Variants in RAC2 observed in about 807,000 individuals in gnomAD.
RAC2 encodes ras-related C3 botulinum toxin substrate 2.
RAC2 carries 1 observed loss-of-function variant against 24.0 expected under a neutral mutation model. That is an observed-to-expected ratio of 0.04 (90% CI 0.01 to 0.20). The LOEUF is 0.20. RAC2 is among the 10% of genes least tolerant of loss of function. The pLI is 1.00. For missense variants in RAC2, 130 were observed against 259.1 expected (o/e 0.50, Z 3.42); for synonymous variants, 114 against 106.8 (o/e 1.07, Z -0.41).
chr22:37,241,037 G>A (rs887058270), intron 2 of RAC2: 1 of 718,728 alleles, frequency 1.4e-6, no homozygotes, highest in East Asian at 2.7e-5. Context: ...GACCCCTGAG[G>A]GCTGGCCAGG....
chr22:37,236,359 G>A (rs1340851469), intron 2 of RAC2, among the ~76,000 whole-genome samples: 1 of 152,202 alleles, frequency 6.6e-6, no homozygotes, highest in African/African-American at 2.4e-5. Context: ...AGACCCACAG[G>A]CAGCCAGGAC....
chr22:37,232,060 C>CGA, intron 3 of RAC2, 66 bp from the exon 4 acceptor site: 1 of 1,509,624 alleles, frequency 6.6e-7, no homozygotes, highest in Non-Finnish European at 9.0e-7. Context: ...TGGCAGCCAC[C>CGA]GAGAGGTGGA....
chr22:37,234,077 C>T (rs540058525), intron 2 of RAC2, among the ~76,000 whole-genome samples: 2 of 152,308 alleles, frequency 1.3e-5, no homozygotes, highest in Non-Finnish European at 2.9e-5. Flanking sequence ...GCAGGGCCAT[C>T]GAACGAGCCT....
intron 5 of RAC2, among the ~76,000 whole-genome samples, chr22:37,228,089 G>T (rs2145821263): frequency 6.6e-6 from 1 of 152,294 alleles, no homozygotes; most frequent in South Asian, 2.1e-4. Context: ...CCCTCCCCAG[G>T]AACTTCCCAA....
chr22:37,232,756 G>A, intron 3 of RAC2, 45 bp downstream of exon 3: 2 of 1,517,600 alleles, frequency 1.3e-6, no homozygotes, highest in Non-Finnish European at 1.8e-6. Flanking sequence ...AGAGGGAACA[G>A]AGACAGCAAA....
At chr22:37,242,023 C>A (rs2145831596) in intron 1 of RAC2, among the ~76,000 whole-genome samples, 1 of 152,322 alleles carries the variant, frequency 6.6e-6, no homozygotes, top group African/African-American at 2.4e-5. Context: ...GGCTTCAAAT[C>A]CCAGCTGTAC....
chr22:37,241,942 G>A (rs1382049598), intron 1 of RAC2, among the ~76,000 whole-genome samples: 1 of 152,192 alleles, frequency 6.6e-6, no homozygotes, highest in Non-Finnish European at 1.5e-5. Flanking sequence ...CTTCTCCAGG[G>A]GCCAGTGATG....
chr22:37,241,024 G>A (rs1303013310), intron 2 of RAC2: 2 of 717,446 alleles, frequency 2.8e-6, no homozygotes, highest in Non-Finnish European at 5.2e-6. Context: ...TAGGAGTGAT[G>A]GGGACCCCTG....
chr22:37,240,934 G>C (rs1927368987), intron 2 of RAC2: 2 of 687,756 alleles, frequency 2.9e-6, no homozygotes, highest in Non-Finnish European at 5.4e-6. Flanking sequence ...GCAAAGTAAT[G>C]GGTAATAAGG....
chr22:37,226,705 G>A lies in RAC2; in HGVS notation c.547C>T (p.Arg183Trp), dbSNP rs138762569. The change falls in exon 6 of 7, where the codon CGG becomes TGG. Residue 183 changes from arginine (R) to tryptophan (W), a missense_variant. Arg to Trp is a moderately radical substitution (Grantham distance 101). Around this residue, in one of 2 missense-constraint regions of RAC2, gnomAD observed 119 missense variants for 192.1 expected, o/e 0.62. Transcript: ENST00000249071. ...IRAVLCPQPT[R>W]QQKRACSLL is the part of the protein sequence containing the mutation. ...AGGCTGCAGGCGCGCTTCTGCTGCCGCGTGGGCTGAGGGCACAGCACGGCC... is the reference window on the plus strand; with the variant it reads ...AGGCTGCAGGCGCGCTTCTGCTGCCACGTGGGCTGAGGGCACAGCACGGCC... 3 of 1,612,928 alleles carry A rather than the reference G, an allele frequency of 1.9e-6. No homozygotes were observed. Among genetic ancestry groups the A allele is most frequent in the East Asian group, 2.2e-5 (1 of 44,870 alleles).
At chr22:37,237,216 G>A (rs1352631709) in intron 2 of RAC2, among the ~76,000 whole-genome samples, 1 of 148,694 alleles carries the variant, frequency 6.7e-6, no homozygotes, top group Admixed American at 6.7e-5. Context: ...AGGAAGGGAG[G>A]GAGGAAGGGA....
chr22:37,231,106 T>C lies in RAC2; in HGVS notation c.448+125A>G. 8.4e-7 allele frequency: 1 copy of C among 1,184,384 alleles called. No homozygotes were observed. The allele number at this position is 1,184,384 out of a possible 1,614,324, so 73.4% of individuals were successfully genotyped here. A position where few individuals can be genotyped will look rare whatever the true frequency, so the allele number is the denominator to read the frequency against. On this transcript the variant is annotated intron_variant, in intron 5 of 6. Coordinates refer to ENST00000249071, the MANE Select transcript of RAC2 (RefSeq NM_002872.5). The surrounding 1 kb of genome is among the most constrained non-coding windows in gnomAD (Gnocchi z 5.5). ...GACTCGCCCAAGGTCACACAGCAAG[T>C]GCACAGCACAGCTGAGTTCAAACTG... is the stretch of plus-strand genomic sequence containing the variant.
chr22:37,241,729 G>A, intron 1 of RAC2, 71 bp from the exon 2 acceptor site: 1 of 1,417,866 alleles, frequency 7.1e-7, no homozygotes. Flanking sequence ...TTTCTGCCTG[G>A]TCCTCTGCAA....
intron 2 of RAC2, among the ~76,000 whole-genome samples, chr22:37,236,840 A>C (rs1052072635): frequency 2.0e-5 from 3 of 152,186 alleles, no homozygotes; most frequent in Non-Finnish European, 4.4e-5. Context: ...TCTCAGGGCA[A>C]TGGGGAACCA....
At chr22:37,230,272 C>T (rs1268754472) in intron 5 of RAC2, among the ~76,000 whole-genome samples, 6 of 29,692 alleles carry the variant, frequency 2.0e-4, no homozygotes, top group Admixed American at 6.9e-4. Flanking sequence ...GGAGGTGGGG[C>T]GGGGCTGGGG....
chr22:37,234,170 C>T (rs1927155882), intron 2 of RAC2, among the ~76,000 whole-genome samples: 1 of 152,238 alleles, frequency 6.6e-6, no homozygotes, highest in Non-Finnish European at 1.5e-5. Context: ...CCTGATCCTG[C>T]CCCCACAGCT....
chr22:37,243,310 ATT>A (rs1927461975), intron 1 of RAC2, among the ~76,000 whole-genome samples: 1 of 152,146 alleles, frequency 6.6e-6, no homozygotes, highest in Non-Finnish European at 1.5e-5. Context: ...TGGACCTGTC[ATT>A]TTACAGATGA....
intron 2 of RAC2, among the ~76,000 whole-genome samples, chr22:37,234,501 C>A (rs915522315): frequency 2.6e-5 from 4 of 152,210 alleles, no homozygotes; most frequent in Non-Finnish European, 4.4e-5. Flanking sequence ...AATGCCCTCA[C>A]CGCCTGCCCC....
At chr22:37,234,761 C>T (rs1395473973) in intron 2 of RAC2, among the ~76,000 whole-genome samples, 1 of 152,232 alleles carries the variant, frequency 6.6e-6, no homozygotes, top group African/African-American at 2.4e-5. Flanking sequence ...CTGGCCCCCA[C>T]ACCCTCCAGG....
Sources: allele counts gnomAD v4.1 joint callset (sites outside exome capture counted in the v4.1 genomes callset), GRCh38; gene constraint gnomAD v4.1.1; regional missense constraint gnomAD v4.1.1; non-coding constraint Gnocchi (gnomAD v3.1); transcripts MANE v1.5; gene names NCBI Gene and HGNC (gene_info 2026-07-23, HGNC 2026-07-21).